The following TMC8 variants were observed in gnomAD, a reference collection of about 807,000 sequenced individuals.
TMC8 encodes transmembrane channel-like protein 8.
TMC8 carries 71 observed loss-of-function variants against 76.0 expected under a neutral mutation model. The observed-to-expected ratio is 0.93, with a 90% CI of 0.77 to 1.14. The LOEUF (loss-of-function observed/expected upper bound fraction) is 1.14, where lower values mean the gene tolerates loss of function less well. TMC8 is among the 50% of genes most tolerant of loss of function. The pLI is 0.00. For missense variants in TMC8, 924 were observed against 947.9 expected (o/e 0.97, Z 0.33); for synonymous variants, 433 against 433.8 (o/e 1.00, Z 0.02).
At chr17:78,139,075 T>C (rs575202020) in intron 14 of TMC8, 87 bp from the exon 15 acceptor site, 4 of 1,589,330 alleles carry the variant, frequency 2.5e-6, no homozygotes, top group Admixed American at 1.7e-5. Flanking sequence ...CCGCGTATTG[T>C]AGAGATTGAG....
intron 14 of TMC8, 59 bp from the exon 15 acceptor site, chr17:78,139,103 C>A: frequency 6.2e-7 from 1 of 1,605,326 alleles, no homozygotes; most frequent in Non-Finnish European, 8.5e-7. Flanking sequence ...GAGAGGAAGT[C>A]AGGGAGAGGC....
rs1261891413 is a variant in TMC8, at chr17:78,137,984, T to C, written c.1350-21T>C. On this transcript the variant is annotated intron_variant, in intron 11 of 15. Coordinates refer to ENST00000318430, the MANE Select transcript of TMC8 (RefSeq NM_152468.5). Reference sequence around the variant, plus strand: ...GCATCTGTCTGGAGTGGTGAGTACCTGGACCCTCCCATCCCTGCAGGCTGC... The same window carrying C: ...GCATCTGTCTGGAGTGGTGAGTACCCGGACCCTCCCATCCCTGCAGGCTGC... The C allele has an allele frequency of 6.8e-6, 11 of 1,613,278 alleles. No individual in the cohort carries two copies. In the South Asian group the frequency reaches 8.8e-5, roughly 13 times the overall value.
rs1271496815 is a variant in TMC8 at position 78,138,437 on chromosome 17, G to T, written c.1622G>T (p.Gly541Val). 1 of 1,613,108 alleles carries T rather than the reference G, an allele frequency of 6.2e-7. No individual in the cohort carries two copies. Among genetic ancestry groups the T allele is most frequent in the Non-Finnish European group, 8.5e-7 (1 of 1,180,012 alleles). Residue 541 changes from glycine to valine, a missense_variant, in exon 13 of 16, where the codon GGC becomes GTC. Transcript: ENST00000318430. ...TFFFQLVLLLGLLLAAVPLGY... is the reference protein window; with the variant it reads ...TFFFQLVLLLVLLLAAVPLGY... ...TTCTTCCAGCTAGTGCTCCTCCTGG[G>T]CCTGCTTCTGGCTGCAGTGCCCCTG...
In TMC8 at chr17:78,138,366, C is replaced by T; in HGVS notation, c.1551C>T (p.Asn517=). The change falls in exon 13 of 16, where the codon AAC becomes AAT. Residue 517 remains asparagine, a synonymous_variant. Coordinates refer to ENST00000318430, the MANE Select transcript of TMC8 (RefSeq NM_152468.5). The stretch of plus-strand genomic sequence containing the variant: ...GCCCCCAGTACACCCTCCTGAAGAA[C>T]TCCAGGGCATCTTCGCGGCCCTTCC... ...FYIKKYTLLK[N]SRASSRPFRA... 1 of 1,611,414 alleles carries T rather than the reference C, an allele frequency of 6.2e-7. No individual in the cohort carries two copies. The highest frequency in any genetic ancestry group is 8.5e-7 in the Non-Finnish European group (1 of 1,180,004).
chr17:78,131,749 G>A lies in TMC8; in HGVS notation c.149+12G>A, dbSNP rs564496559. Reference sequence around the variant, plus strand: ...AAGCGCCTCATCTGGTGGGTGCCACGCGGGCGCCAGACGGTGCGTGGGGGG... The same window carrying A: ...AAGCGCCTCATCTGGTGGGTGCCACACGGGCGCCAGACGGTGCGTGGGGGG... On this transcript the variant is annotated intron_variant, in intron 2 of 15. Transcript: ENST00000318430. 1.3e-6 allele frequency: 2 copies of A among 1,575,996 alleles called. No homozygotes were observed. The highest frequency in any genetic ancestry group is 2.3e-5 in the East Asian group (1 of 43,248).
Position 78,134,583 on chromosome 17 carries a change from C to A in TMC8, c.987+19C>A. On this transcript the variant is annotated intron_variant, in intron 8 of 15. Coordinates refer to ENST00000318430, the MANE Select transcript of TMC8 (RefSeq NM_152468.5). ...CAAGGAGGTGTCAGGCAACTGCATT[C>A]ATTTAATCCTGGCCAGAACTGCGGG... 1 of 1,613,784 alleles carries A rather than the reference C, an allele frequency of 6.2e-7. No individual in the cohort carries two copies. The highest frequency in any genetic ancestry group is 8.5e-7 in the Non-Finnish European group (1 of 1,179,928).
In TMC8 at chr17:78,137,271, C is replaced by A; in HGVS notation, c.1164C>A (p.Phe388Leu). Residue 388 changes from phenylalanine (F) to leucine (L), a missense_variant, in exon 10 of 16, where the codon TTC becomes TTA. Physicochemically the swap from Phe to Leu is conservative, Grantham distance 22 (BLOSUM62 0). Transcript: ENST00000318430. ...TGAAGCTGGCCAGCTTGGGGATGTTCTCCGTCTCCCTGGGTCAGACCATAC... is the reference window on the plus strand; with the variant it reads ...TGAAGCTGGCCAGCTTGGGGATGTTATCCGTCTCCCTGGGTCAGACCATAC... ...VVLKLASLGM[F>L]SVSLGQTILC... The A allele has an allele frequency of 1.2e-6, 2 of 1,613,986 alleles. No homozygotes were observed. Among genetic ancestry groups the A allele is most frequent in the South Asian group, 1.1e-5 (1 of 91,076 alleles).
At position 78,139,149 on chromosome 17, in the gene TMC8, C is replaced by T. The variant is rs2075311324; in HGVS notation, c.1824-13C>T. The T allele has an allele frequency of 6.2e-7, 1 of 1,613,476 alleles. No homozygotes were observed. The highest frequency in any genetic ancestry group is 1.3e-5 in the African/African-American group (1 of 75,056). On this transcript the variant is annotated splice_polypyrimidine_tract_variant and intron_variant, in intron 14 of 15. Transcript: ENST00000318430. ...CCAGGGGCAACTGACCACGAATCCC[C>T]TTCCCACCCAAGCCTTGTCCTGACG...
At chr17:78,139,728 T>TAAAAAAAA (rs34917993) in intron 15 of TMC8, among the ~76,000 whole-genome samples, 1 of 62,768 alleles carries the variant, frequency 1.6e-5, no homozygotes, top group African/African-American at 6.5e-5. Context: ...CGTCTCTACT[T>TAAAAAAAA]AAAAAAAAAA....
intron 1 of TMC8, 29 bp from the exon 2 acceptor site, chr17:78,131,252 C>T: frequency 2.2e-6 from 1 of 450,412 alleles, no homozygotes; most frequent in Non-Finnish European, 4.1e-6. Flanking sequence ...ACTTTCTGTG[C>T]CCTTTGGATC....
At position 78,130,789 on chromosome 17, in the gene TMC8, C is replaced by T. The variant is rs1427979496; in HGVS notation, c.-371C>T. The T allele has an allele frequency of 2.6e-5, 4 of 152,378 alleles. No individual in the cohort carries two copies. Among genetic ancestry groups the T allele is most frequent in the Non-Finnish European group, 5.9e-5 (4 of 68,126 alleles). 9.4% of individuals were successfully genotyped at this position (152,378 alleles called of 1,614,324 possible). A position where few individuals can be genotyped will look rare whatever the true frequency, so the allele number is the denominator to read the frequency against. On this transcript the variant is annotated 5_prime_UTR_variant, in exon 1 of 16. Transcript: ENST00000318430. ...CCTCTGGGCTCCCTCACCACCCTGC[C>T]TGGCTTGGCAGGAGTCGTCTGAGAA...
chr17:78,140,919 A>G lies in TMC8; in HGVS notation c.1988A>G (p.Tyr663Cys). ...PGPSDSPGPKYPASQASRPQS... is the reference protein window; with the variant it reads ...PGPSDSPGPKCPASQASRPQS... The stretch of plus-strand genomic sequence containing the variant: ...CCGAGCGACTCTCCGGGCCCCAAGT[A>G]CCCTGCCTCCCAAGCTTCGCGCCCG... Residue 663 changes from tyrosine to cysteine, a missense_variant, in exon 16 of 16, where the codon TAC becomes TGC. By Grantham distance (194) the Tyr-to-Cys change is radical. Transcript: ENST00000318430. The G allele has an allele frequency of 6.2e-7, 1 of 1,604,290 alleles. No individual in the cohort carries two copies. The highest frequency in any genetic ancestry group is 8.5e-7 in the Non-Finnish European group (1 of 1,176,268).
chr17:78,134,864 C>G lies in TMC8; in HGVS notation c.988-6C>G. 6.2e-7 allele frequency: 1 copy of G among 1,613,836 alleles called. No homozygotes were observed. The highest frequency in any genetic ancestry group is 8.5e-7 in the Non-Finnish European group (1 of 1,180,006). On this transcript the variant is annotated splice_region_variant and splice_polypyrimidine_tract_variant and intron_variant, in intron 8 of 15. Transcript: ENST00000318430. ...GCGGGCTCCCCTGACCTGCCTTTTCCCGCAGGAGTCCCTGTTTCTGCTGCT... is the reference window on the plus strand; with the variant it reads ...GCGGGCTCCCCTGACCTGCCTTTTCGCGCAGGAGTCCCTGTTTCTGCTGCT...
intron 6 of TMC8, 119 bp from the exon 7 acceptor site, chr17:78,133,734 C>T: frequency 1.3e-6 from 2 of 1,553,722 alleles, no homozygotes; most frequent in Non-Finnish European, 1.8e-6. Flanking sequence ...CGACTCCTCA[C>T]TCACCAGGAC....
rs766401855 is a variant in TMC8, at chr17:78,138,135, C to T, written c.1480C>T (p.Leu494=). ...VTWMGLFYCP[L]LPLLNSVFLF... is the part of the protein sequence containing the mutation. Reference sequence around the variant, plus strand: ...CTGGATGGGCCTCTTCTACTGCCCCCTGCTGCCCCTGCTGAATAGCGTCTT... The same window carrying T: ...CTGGATGGGCCTCTTCTACTGCCCCTTGCTGCCCCTGCTGAATAGCGTCTT... The change falls in exon 12 of 16, where the codon CTG becomes TTG. Residue 494 remains leucine, a synonymous_variant. Coordinates refer to ENST00000318430, the MANE Select transcript of TMC8 (RefSeq NM_152468.5). The T allele has an allele frequency of 1.9e-6, 3 of 1,613,984 alleles. No homozygotes were observed. Among genetic ancestry groups the T allele is most frequent in the South Asian group, 1.1e-5 (1 of 91,088 alleles).
intron 10 of TMC8, 107 bp from the exon 11 acceptor site, chr17:78,137,610 G>C (rs2075267564): frequency 1.7e-6 from 2 of 1,189,722 alleles, no homozygotes; most frequent in Non-Finnish European, 2.5e-6. Flanking sequence ...GATTCTATCA[G>C]ACACCAGGCA....
rs114720173 is a variant in TMC8 at position 78,141,994 on chromosome 17, T to C, written c.*882T>C. 2 of 152,384 alleles carry C rather than the reference T, an allele frequency of 1.3e-5. No individual in the cohort carries two copies. Among genetic ancestry groups the C allele is most frequent in the Non-Finnish European group, 2.9e-5 (2 of 68,186 alleles). 9.4% of individuals were successfully genotyped at this position (152,384 alleles called of 1,614,324 possible). A position where few individuals can be genotyped will look rare whatever the true frequency, so the allele number is the denominator to read the frequency against. ...CCTTAGTGGTATGTACGGGCCTGCATCGTGAGCAGCGGGCGGGGGCCCAGG... is the reference window on the plus strand; with the variant it reads ...CCTTAGTGGTATGTACGGGCCTGCACCGTGAGCAGCGGGCGGGGGCCCAGG... On this transcript the variant is annotated 3_prime_UTR_variant, in exon 16 of 16. Transcript: ENST00000318430.
rs1447241852 is a variant in TMC8, at chr17:78,141,214, G to A, written c.*102G>A. ...CCACCGCCCCTCTCAGTGGCTCCAG[G>A]GCCTCCCTCAGAGGTCCCCAAAGAT... On this transcript the variant is annotated 3_prime_UTR_variant, in exon 16 of 16. Transcript: ENST00000318430. The A allele has an allele frequency of 3.4e-5, 20 of 589,638 alleles. No homozygotes were observed. The highest frequency in any genetic ancestry group is 5.2e-5 in the Non-Finnish European group (19 of 366,468). The allele number at this position is 589,638 out of a possible 1,614,324, so 36.5% of individuals were successfully genotyped here. A position where few individuals can be genotyped will look rare whatever the true frequency, so the allele number is the denominator to read the frequency against.
chr17:78,131,947 CG>C lies in TMC8; in HGVS notation c.217del (p.Val73TrpfsTer50). The C allele has an allele frequency of 6.6e-7, 1 of 1,511,556 alleles. No homozygotes were observed. Among genetic ancestry groups the C allele is most frequent in the South Asian group, 1.2e-5 (1 of 81,992 alleles). The allele number at this position is 1,511,556 out of a possible 1,614,324, so 93.6% of individuals were successfully genotyped here. ...RWQRWQRRRQ[T>X]VERRLREAAQ... ...CAGCGGTGGCAGCGCCGGCGGCAGA[CG>C]GTGGAAAGGCGCCTGCGGGAGGCAG... On this transcript the variant is annotated frameshift_variant, in exon 3 of 16. Transcript: ENST00000318430. LOFTEE classifies it high-confidence loss of function.
Sources: gnomAD v4.1 joint callset for allele counts (sites outside exome capture counted in the v4.1 genomes callset) on GRCh38, gnomAD v4.1.1 for gene constraint, MANE v1.5 for transcripts, NCBI Gene and HGNC (gene_info 2026-07-23, HGNC 2026-07-21) for gene names.